Variants in ARHGEF12 observed in about 807,000 individuals in gnomAD.
The protein encoded by ARHGEF12 is Rho guanine nucleotide exchange factor 12.
ARHGEF12 carries 66 observed loss-of-function variants against 211.2 expected under a neutral mutation model. The ratio of observed to expected loss-of-function variants is 0.31; its 90% confidence interval spans 0.26 to 0.38. The LOEUF (loss-of-function observed/expected upper bound fraction) is 0.38, where lower values mean the gene tolerates loss of function less well. Ranked by LOEUF, ARHGEF12 falls within the 10% of genes least tolerant of loss-of-function variation. ARHGEF12 has a pLI of 1.00. For missense variants in ARHGEF12, 1,429 were observed against 1,869.5 expected (o/e 0.76, Z 4.34); for synonymous variants, 592 against 638.4 (o/e 0.93, Z 1.09).
Position 120,481,506 on chromosome 11 carries a change from C to G in ARHGEF12, c.4484C>G (p.Ser1495Cys), listed in dbSNP as rs769991507. Reference protein sequence around the residue: ...YSCFEIQSPSSCADSQSQIME... With the variant: ...YSCFEIQSPSCCADSQSQIME... ...TGTTTTGAGATCCAGAGTCCCTCCT[C>G]TTGTGCAGATTCACAGAGCCAGATC... Residue 1495 changes from serine to cysteine, a missense_variant, in exon 39 of 41, where the codon TCT (serine) becomes TGT (cysteine). Physicochemically the swap from Ser to Cys is moderately radical, Grantham distance 112 (BLOSUM62 -1). Around this residue, in one of 7 missense-constraint regions of ARHGEF12, gnomAD observed 467 missense variants for 468.4 expected, o/e 1.00. Transcript: ENST00000397843. 2.5e-5 allele frequency: 40 copies of G among 1,614,100 alleles called. No homozygotes were observed. The highest frequency in any genetic ancestry group is 3.2e-5 in the Non-Finnish European group (38 of 1,180,048).
chr11:120,431,005 C>A (rs1005441006), intron 10 of ARHGEF12, among the ~76,000 whole-genome samples: 9 of 152,006 alleles, frequency 5.9e-5, no homozygotes, highest in African/African-American at 2.2e-4. Context: ...ATGCTTATAA[C>A]CTGGCCAGGC....
intron 1 of ARHGEF12, among the ~76,000 whole-genome samples, chr11:120,347,204 C>CTTTCTTTCTTTCTTTCTTTCTT (rs59764380): frequency 1.7e-4 from 10 of 60,294 alleles, no homozygotes; most frequent in South Asian, 4.5e-4. Flanking sequence ...TTCTTTCTTT[C>CTTTCTTTCTTTCTTTCTTTCTT]TCTTTCTTTT....
At position 120,442,210 on chromosome 11, in the gene ARHGEF12, G is replaced by A. The variant is rs950084958; in HGVS notation, c.1302+8G>A. On this transcript the variant is annotated splice_region_variant and intron_variant, in intron 15 of 40. Coordinates refer to ENST00000397843, the MANE Select transcript of ARHGEF12 (RefSeq NM_015313.3). Reference sequence around the variant, plus strand: ...TTTCTAGATCGATCAGCAGTAAGTTGCCAAGTTAATGTTGTAATCTTTGCC... The same window carrying A: ...TTTCTAGATCGATCAGCAGTAAGTTACCAAGTTAATGTTGTAATCTTTGCC... 6.3e-7 allele frequency: 1 copy of A among 1,590,706 alleles called. No homozygotes were observed. The highest frequency in any genetic ancestry group is 8.6e-7 in the Non-Finnish European group (1 of 1,166,644).
At chr11:120,374,012 A>G (rs969031860) in intron 1 of ARHGEF12, among the ~76,000 whole-genome samples, 1 of 152,084 alleles carries the variant, frequency 6.6e-6, no homozygotes, top group Non-Finnish European at 1.5e-5. Context: ...TCTCCGTGTT[A>G]GTCAGGTTGG....
intron 6 of ARHGEF12, among the ~76,000 whole-genome samples, chr11:120,423,653 T>C (rs1945263376): frequency 6.6e-6 from 1 of 152,174 alleles, no homozygotes; most frequent in African/African-American, 2.4e-5. Flanking sequence ...TATGTGTCTC[T>C]TTGGTGTGTG....
chr11:120,465,013 A>AG, intron 27 of ARHGEF12: 4 of 442,854 alleles, frequency 9.0e-6, no homozygotes, highest in Non-Finnish European at 1.5e-5. Flanking sequence ...CAAAAAAAAG[A>AG]AAAAAAAAAG....
intron 15 of ARHGEF12, among the ~76,000 whole-genome samples, chr11:120,443,964 G>A (rs1316254510): frequency 6.6e-6 from 1 of 152,164 alleles, no homozygotes; most frequent in Non-Finnish European, 1.5e-5. Context: ...TTGAGAGTTC[G>A]CTGATTTTAG....
At chr11:120,398,588 G>T (rs1174081690) in intron 1 of ARHGEF12, among the ~76,000 whole-genome samples, 2 of 152,102 alleles carry the variant, frequency 1.3e-5, no homozygotes, top group East Asian at 1.9e-4. Flanking sequence ...TTGTGTGTGT[G>T]TGATAAACTA....
At chr11:120,346,352 G>A (rs948252125) in intron 1 of ARHGEF12, among the ~76,000 whole-genome samples, 1 of 152,248 alleles carries the variant, frequency 6.6e-6, no homozygotes, top group Admixed American at 6.5e-5. Flanking sequence ...CTGGCTCAAG[G>A]AGCATCCCCT....
intron 39 of ARHGEF12, among the ~76,000 whole-genome samples, chr11:120,482,484 C>G (rs548592702): frequency 6.6e-6 from 1 of 152,144 alleles, no homozygotes; most frequent in African/African-American, 2.4e-5. Flanking sequence ...CGGTGGCTCA[C>G]GCCTGTAATT....
intron 1 of ARHGEF12, among the ~76,000 whole-genome samples, chr11:120,399,127 C>T (rs1944473938): frequency 6.6e-6 from 1 of 151,338 alleles, no homozygotes; most frequent in African/African-American, 2.4e-5. Flanking sequence ...CCAACCTGGG[C>T]AACACAGCAA....
At chr11:120,348,170 C>T (rs1403057453) in intron 1 of ARHGEF12, among the ~76,000 whole-genome samples, 1 of 152,012 alleles carries the variant, frequency 6.6e-6, no homozygotes, top group African/African-American at 2.4e-5. Flanking sequence ...AATAAAATTA[C>T]TTAATTTTGA....
At chr11:120,481,684 G>A in intron 39 of ARHGEF12, 108 bp downstream of exon 39, 1 of 1,094,780 alleles carries the variant, frequency 9.1e-7, no homozygotes, top group Non-Finnish European at 1.3e-6. Flanking sequence ...TCAGGTTCTA[G>A]ATTTCTTTGA....
chr11:120,396,313 A>G (rs763284297), intron 1 of ARHGEF12, among the ~76,000 whole-genome samples: 3 of 152,232 alleles, frequency 2.0e-5, no homozygotes, highest in Non-Finnish European at 2.9e-5. Context: ...GTAGATTCCT[A>G]TTCCCAGGAG....
intron 35 of ARHGEF12, 69 bp downstream of exon 35, chr11:120,477,374 T>C: frequency 6.2e-7 from 1 of 1,603,784 alleles, no homozygotes; most frequent in Non-Finnish European, 8.5e-7. Context: ...AGGATAATTA[T>C]TATGTTTTGT....
At chr11:120,440,994 A>C (rs550682281) in intron 13 of ARHGEF12, among the ~76,000 whole-genome samples, 2 of 152,156 alleles carry the variant, frequency 1.3e-5, no homozygotes, top group Non-Finnish European at 2.9e-5. Flanking sequence ...GATTGATATT[A>C]GAATATTAAA....
chr11:120,469,406 G>C lies in ARHGEF12; in HGVS notation c.2955+18G>C. The C allele has an allele frequency of 6.4e-7, 1 of 1,572,044 alleles. No individual in the cohort carries two copies. Among genetic ancestry groups the C allele is most frequent in the Non-Finnish European group, 8.7e-7 (1 of 1,145,834 alleles). On this transcript the variant is annotated intron_variant, in intron 30 of 40. Coordinates refer to ENST00000397843, the MANE Select transcript of ARHGEF12 (RefSeq NM_015313.3). The stretch of plus-strand genomic sequence containing the variant: ...ACAAGCAGGTAAAAAAGGAAAACAA[G>C]AAGGTACAGGATGACATTGGGAGAA...
At chr11:120,426,383 A>G (rs1043084027) in intron 7 of ARHGEF12, among the ~76,000 whole-genome samples, 1 of 152,244 alleles carries the variant, frequency 6.6e-6, no homozygotes, top group Non-Finnish European at 1.5e-5. Flanking sequence ...AAAGTAAAGC[A>G]TAAAAACCTC....
At chr11:120,439,613 T>C (rs11600558) in intron 12 of ARHGEF12, 30,316 of 152,250 alleles carry the variant, frequency 0.2, 3,315 homozygotes, top group Non-Finnish European at 0.23. Context: ...TATGTATCAT[T>C]AATGGAAATC....
Sources: allele counts gnomAD v4.1 joint callset (sites outside exome capture counted in the v4.1 genomes callset), GRCh38; gene constraint gnomAD v4.1.1; regional missense constraint gnomAD v4.1.1; transcripts MANE v1.5; gene names NCBI Gene and HGNC (gene_info 2026-07-23, HGNC 2026-07-21).